The following CLCN7 variants were observed in gnomAD, a reference collection of about 807,000 sequenced individuals.
The protein encoded by CLCN7 is Cl-/H+ antiporter 7.
Under a neutral mutation model 102.1 loss-of-function variants are expected in CLCN7, and 60 were observed. That is an observed-to-expected ratio of 0.59 (90% confidence interval 0.48 to 0.73). The LOEUF is 0.73. CLCN7 is among the 30% of genes least tolerant of loss of function. The pLI is 0.00. For synonymous variants in CLCN7, 560 were observed against 490.5 expected, an observed-to-expected ratio of 1.14 and a Z score of -1.87; for missense variants, 962 against 1,125.7, an observed-to-expected ratio of 0.85 and a Z score of 2.08.
rs1452672845 is a variant in CLCN7, at chr16:1,457,918, A to G, written c.676-162T>C. Among the ~76,000 whole-genome samples the G allele has an allele frequency of 6.6e-6, 1 of 152,204 alleles. No individual in the cohort carries two copies. The highest frequency in any genetic ancestry group is 1.9e-4 in the East Asian group (1 of 5,190). On this transcript the variant is annotated intron_variant, in intron 7 of 24. Transcript: ENST00000382745. This position sits in a 1 kb window ranked among gnomAD's most constrained non-coding sequence, Gnocchi z 5.4. ...CCAGGCTGGGTCTCCCCATGGCCAC[A>G]GTGGAGCTAAACAGCAGCCAAGCGT...
Position 1,457,524 on chromosome 16 carries a change from TGA to T in CLCN7, c.738+168_738+169del, listed in dbSNP as rs2038854413. 1.6e-6 allele frequency: 1 copy of T among 642,362 alleles called. No homozygotes were observed. The highest frequency in any genetic ancestry group is 2.2e-5 in the Admixed American group (1 of 46,372). The allele number at this position is 642,362 out of a possible 1,614,324, so 39.8% of individuals were successfully genotyped here. A position where few individuals can be genotyped will look rare whatever the true frequency, so the allele number is the denominator to read the frequency against. ...AAGGACCGGTGCTCAGAGACACGCG[TGA>T]CGCGGCCCTTCCTGGAGACCAGAAG... is the stretch of plus-strand genomic sequence containing the variant. On this transcript the variant is annotated intron_variant, in intron 8 of 24. Transcript: ENST00000382745. This position sits in a 1 kb window ranked among gnomAD's most constrained non-coding sequence, Gnocchi z 5.4.
chr16:1,458,161 C>T (rs1272696227), intron 7 of CLCN7, among the ~76,000 whole-genome samples: 1 of 152,232 alleles, frequency 6.6e-6, no homozygotes, highest in Admixed American at 6.5e-5. Context: ...GGCTGGTCAC[C>T]TGCGGCTCCA....
chr16:1,460,566 T>G lies in CLCN7; in HGVS notation c.485-39A>C, dbSNP rs2072950. On this transcript the variant is annotated intron_variant, in intron 5 of 24. Transcript: ENST00000382745. ...AGGAGGGCTGGCTGCTTCCCCGTCA[T>G]GACCACCCAGCCCAGACCTCAGCCC... is the stretch of plus-strand genomic sequence containing the variant. 0.68 allele frequency: 1,040,963 copies of G among 1,529,804 alleles called. 359,655 individuals carry two copies. The highest frequency in any genetic ancestry group is 0.89 in the African/African-American group (65,726 of 73,458). The allele number at this position is 1,529,804 out of a possible 1,614,324, so 94.8% of individuals were successfully genotyped here.
At chr16:1,454,975 C>A (rs2038811142) in intron 12 of CLCN7, among the ~76,000 whole-genome samples, 159 bp downstream of exon 12, 1 of 152,236 alleles carries the variant, frequency 6.6e-6, no homozygotes, top group African/African-American at 2.4e-5. Flanking sequence ...GGGTGTCTTC[C>A]TGCAGCCCCT....
intron 1 of CLCN7, chr16:1,472,044 G>C (rs1406147410): frequency 6.6e-6 from 1 of 152,420 alleles, no homozygotes; most frequent in South Asian, 2.1e-4. Flanking sequence ...CTGCCCCAGG[G>C]GCCCTGCAGA....
intron 11 of CLCN7, 125 bp downstream of exon 11, chr16:1,455,606 G>A (rs1317259879): frequency 9.5e-7 from 1 of 1,054,922 alleles, no homozygotes; most frequent in East Asian, 2.5e-5. Context: ...ACCAAGGCCT[G>A]ACAGACCCAC....
rs2039132737 is a variant in CLCN7 at position 1,475,018 on chromosome 16, C to G, written c.-44G>C. 1.4e-6 allele frequency: 2 copies of G among 1,409,076 alleles called. No individual in the cohort carries two copies. The highest frequency in any genetic ancestry group is 1.9e-6 in the Non-Finnish European group (2 of 1,078,672). 87.3% of individuals were successfully genotyped at this position (1,409,076 alleles called of 1,614,324 possible). Reference sequence around the variant, plus strand: ...ACCGGCCGGGAAGCGCCGGCTGCCCCCGTGTTTGTTCTCGTGACCCGCGCC... The same window carrying G: ...ACCGGCCGGGAAGCGCCGGCTGCCCGCGTGTTTGTTCTCGTGACCCGCGCC... On this transcript the variant is annotated 5_prime_UTR_variant, in exon 1 of 25. Transcript: ENST00000382745.
intron 2 of CLCN7, among the ~76,000 whole-genome samples, chr16:1,463,498 A>G (rs892236637): frequency 6.6e-6 from 1 of 152,098 alleles, no homozygotes; most frequent in African/African-American, 2.4e-5. Flanking sequence ...TTTTTTAGAC[A>G]GGGTCCCGTC....
intron 2 of CLCN7, 21 bp from the exon 3 acceptor site, chr16:1,461,695 G>C: frequency 6.2e-7 from 1 of 1,609,072 alleles, no homozygotes; most frequent in East Asian, 2.2e-5. Context: ...AAAAGGCAAA[G>C]AGAGAAGCAC....
In CLCN7 at chr16:1,455,175, A is replaced by G; in HGVS notation, c.1057T>C (p.Ser353Pro). The part of the protein sequence containing the change: ...SIYHGNMWDL[S>P]SPGLINFGRF... ...CCGAAGTTGATGAGGCCTGGGCTGG[A>G]CAGGTCCCACATGTTCCCGTGGTAA... The change falls in exon 12 of 25, where the codon TCC (serine) becomes CCC (proline). Residue 353 changes from serine to proline, a missense_variant. By Grantham distance (74) the Ser-to-Pro change is moderately conservative. Around this residue, in one of 2 missense-constraint regions of CLCN7, gnomAD observed 799 missense variants for 988.0 expected, o/e 0.81. Transcript: ENST00000382745. 1.2e-6 allele frequency: 2 copies of G among 1,613,784 alleles called. No individual in the cohort carries two copies. Among genetic ancestry groups the G allele is most frequent in the Non-Finnish European group, 1.7e-6 (2 of 1,179,740 alleles).
At chr16:1,465,645 A>G (rs1002100264) in intron 1 of CLCN7, among the ~76,000 whole-genome samples, 2 of 152,196 alleles carry the variant, frequency 1.3e-5, no homozygotes, top group Non-Finnish European at 2.9e-5. Flanking sequence ...GAAGGGCTGG[A>G]CAACACGCCG....
At position 1,449,320 on chromosome 16, in the gene CLCN7, G is replaced by T; in HGVS notation, c.1625C>A (p.Ala542Glu). The T allele has an allele frequency of 6.3e-7, 1 of 1,585,108 alleles. No homozygotes were observed. The highest frequency in any genetic ancestry group is 8.6e-7 in the Non-Finnish European group (1 of 1,165,996). The stretch of plus-strand genomic sequence containing the variant: ...CATCAGGGCGTATTTGCCGGGGTCC[G>T]CCCAGATCTGTGGGAGGTGACACGG... The part of the protein sequence containing the change: ...LSYLTGAAIW[A>E]DPGKYALMGA... Residue 542 changes from alanine to glutamate, a missense_variant, in exon 18 of 25, where the codon GCG becomes GAG. Coordinates refer to ENST00000382745, the MANE Select transcript of CLCN7 (RefSeq NM_001287.6).
chr16:1,447,773 T>C lies in CLCN7; in HGVS notation c.2014-59A>G, dbSNP rs984505799. On this transcript the variant is annotated intron_variant, in intron 21 of 24. Coordinates refer to ENST00000382745, the MANE Select transcript of CLCN7 (RefSeq NM_001287.6). ...CCGAGGGTGGGAGGCTGCGCTGGAA[T>C]GCTGTGTCGGGCCCCGCTCTGACCC... 1.6e-5 allele frequency: 25 copies of C among 1,522,646 alleles called. No homozygotes were observed. The Admixed American group carries it at 2.2e-4, about 13-fold the overall frequency. The allele number at this position is 1,522,646 out of a possible 1,614,324, so 94.3% of individuals were successfully genotyped here. A position where few individuals can be genotyped will look rare whatever the true frequency, so the allele number is the denominator to read the frequency against.
intron 1 of CLCN7, chr16:1,474,242 G>A: frequency 2.2e-6 from 1 of 455,400 alleles, no homozygotes; most frequent in Non-Finnish European, 4.4e-6. Context: ...CCTGCACATT[G>A]CAAATTCAAC....
rs1205882381 is a variant in CLCN7 at position 1,447,058 on chromosome 16, A to G, written c.2279T>C (p.Leu760Pro). The change falls in exon 24 of 25, where the codon CTG (leucine) becomes CCG (proline). Residue 760 changes from leucine (L) to proline (P), a missense_variant. Physicochemically the swap from Leu to Pro is moderately conservative, Grantham distance 98 (BLOSUM62 -3). Transcript: ENST00000382745. ...QEASLPRVFK[L>P]FRALGLRHLV... ...GTGCCGCAGGCCCAGGGCCCGGAAC[A>G]GCTTGAACACCCGTGGGAGCGACGC... is the stretch of plus-strand genomic sequence containing the variant. The G allele has an allele frequency of 6.2e-7, 1 of 1,602,734 alleles. No homozygotes were observed. The highest frequency in any genetic ancestry group is 8.5e-7 in the Non-Finnish European group (1 of 1,178,436).
intron 14 of CLCN7, 78 bp downstream of exon 14, chr16:1,453,756 C>T (rs2038790404): frequency 6.6e-6 from 9 of 1,361,848 alleles, no homozygotes; most frequent in South Asian, 4.7e-5. Context: ...AGTGTAAACC[C>T]CATTCCACCA....
intron 1 of CLCN7, among the ~76,000 whole-genome samples, chr16:1,470,736 G>A (rs184076873): frequency 1.5e-4 from 23 of 152,314 alleles, no homozygotes; most frequent in Non-Finnish European, 2.1e-4. Flanking sequence ...GGCCACTGGC[G>A]ACGACCCCAG....
At chr16:1,474,437 G>C (rs1485218866) in intron 1 of CLCN7, 2 of 341,380 alleles carry the variant, frequency 5.9e-6, no homozygotes, top group Non-Finnish European at 1.1e-5. Context: ...AACAAAATTA[G>C]TTGCTCGTGT....
At chr16:1,461,956 G>C (rs1050975705) in intron 2 of CLCN7, among the ~76,000 whole-genome samples, 1 of 151,794 alleles carries the variant, frequency 6.6e-6, no homozygotes, top group Non-Finnish European at 1.5e-5. Flanking sequence ...GTGGTGGTGG[G>C]CGCCTGTAAT....
Sources: allele counts gnomAD v4.1 joint callset (sites outside exome capture counted in the v4.1 genomes callset), GRCh38; gene constraint gnomAD v4.1.1; regional missense constraint gnomAD v4.1.1; non-coding constraint Gnocchi (gnomAD v3.1); transcripts MANE v1.5; gene names NCBI Gene and HGNC (gene_info 2026-07-23, HGNC 2026-07-21).